Variants in NEGR1 observed in about 807,000 individuals in gnomAD.
NEGR1 encodes the protein IgLON family member 4.
NEGR1 carries 10 observed loss-of-function variants against 40.9 expected under a neutral mutation model. That is an observed-to-expected ratio of 0.24 (90% CI 0.15 to 0.42). The LOEUF (loss-of-function observed/expected upper bound fraction) is 0.42. Among genes scored for constraint, NEGR1 ranks in the 10% least tolerant of loss-of-function variants. The pLI, the probability that NEGR1 is intolerant of heterozygous loss-of-function variation, is 1.00. For synonymous variants in NEGR1, 185 were observed against 166.8 expected (o/e 1.11, Z -0.84); for missense variants, 352 against 438.9 (o/e 0.80, Z 1.77).
intron 6 of NEGR1, among the ~76,000 whole-genome samples, chr1:71,456,498 A>G (rs1486018038): frequency 1.3e-5 from 2 of 152,212 alleles, no homozygotes; most frequent in Non-Finnish European, 2.9e-5. Context: ...CATTATCCAG[A>G]TAACAACGCA....
rs1646281165 is a variant in NEGR1 at position 71,406,892 on chromosome 1, AAGG to A, written c.*551_*553del. 6.6e-6 allele frequency: 1 copy of A among 152,514 alleles called. No individual in the cohort carries two copies. Among genetic ancestry groups the A allele is most frequent in the African/African-American group, 2.4e-5 (1 of 41,434 alleles). The allele number at this position is 152,514 out of a possible 1,614,324, so 9.4% of individuals were successfully genotyped here. A position where few individuals can be genotyped will look rare whatever the true frequency, so the allele number is the denominator to read the frequency against. On this transcript the variant is annotated 3_prime_UTR_variant, in exon 7 of 7. Transcript: ENST00000357731. ...AGAGCTGCACAGCCAGTTATATTACAAGGCTCATTCCTGAAACCTGAATATCAT... is the reference window on the plus strand; with the variant it reads ...AGAGCTGCACAGCCAGTTATATTACACTCATTCCTGAAACCTGAATATCAT...
intron 1 of NEGR1, among the ~76,000 whole-genome samples, chr1:72,057,528 CCCA>C (rs1293429912): frequency 6.6e-6 from 1 of 151,362 alleles, no homozygotes; most frequent in African/African-American, 2.4e-5. Context: ...CAACTTCCTA[CCCA>C]CCAGGTATGG....
intron 4 of NEGR1, among the ~76,000 whole-genome samples, chr1:71,639,086 C>T (rs932193767): frequency 1.3e-5 from 2 of 151,750 alleles, no homozygotes; most frequent in Middle Eastern, 3.4e-3. Flanking sequence ...GTCAAAGGAG[C>T]ACACATTGAT....
intron 6 of NEGR1, among the ~76,000 whole-genome samples, chr1:71,434,075 G>A (rs1646488414): frequency 1.3e-5 from 2 of 151,944 alleles, no homozygotes; most frequent in South Asian, 4.2e-4. Flanking sequence ...AATTATGTGG[G>A]TCCACTTATA....
chr1:71,844,246 A>G (rs1659330883), intron 2 of NEGR1, among the ~76,000 whole-genome samples: 1 of 152,184 alleles, frequency 6.6e-6, no homozygotes, highest in South Asian at 2.1e-4. Context: ...TAATGCCTCA[A>G]TGGGGAAAAG....
At chr1:71,751,527 TTTTA>T (rs1570296994) in intron 3 of NEGR1, among the ~76,000 whole-genome samples, 1 of 152,322 alleles carries the variant, frequency 6.6e-6, no homozygotes, top group East Asian at 1.9e-4. Context: ...ACCTTACTGA[TTTTA>T]TTTGACAACT....
At chr1:72,005,587 A>T (rs182978185) in intron 1 of NEGR1, among the ~76,000 whole-genome samples, 5 of 152,298 alleles carry the variant, frequency 3.3e-5, no homozygotes, top group Non-Finnish European at 4.4e-5. Flanking sequence ...GTATTTCTAA[A>T]ATTTTGGTCC....
chr1:72,130,456 T>C (rs1431578122), intron 1 of NEGR1, among the ~76,000 whole-genome samples: 2 of 152,190 alleles, frequency 1.3e-5, no homozygotes, highest in Non-Finnish European at 2.9e-5. Flanking sequence ...CTTACGTCTG[T>C]CATGAGGAAG....
intron 6 of NEGR1, among the ~76,000 whole-genome samples, chr1:71,455,751 G>A (rs1646668296): frequency 6.6e-6 from 1 of 152,094 alleles, no homozygotes; most frequent in Admixed American, 6.6e-5. Context: ...GTATCAGGCT[G>A]TTACTTTTAT....
In NEGR1 at chr1:71,399,647, G is replaced by A. The variant is rs1404487738; in HGVS notation, c.*7799C>T. On this transcript the variant is annotated 3_prime_UTR_variant, in exon 7 of 7. Transcript: ENST00000357731. ...AATGCGATTTTGTATTTGTGTGTGA[G>A]TATGTGTTTTGTTTTGAAAAAGACA... 6.6e-6 allele frequency: 1 copy of A among 152,206 alleles called. No individual in the cohort carries two copies. The highest frequency in any genetic ancestry group is 1.9e-4 in the East Asian group (1 of 5,204). 9.4% of individuals were successfully genotyped at this position (152,206 alleles called of 1,614,324 possible).
chr1:71,501,387 C>A (rs1646998518), intron 6 of NEGR1, among the ~76,000 whole-genome samples: 1 of 152,030 alleles, frequency 6.6e-6, no homozygotes, highest in African/African-American at 2.4e-5. Flanking sequence ...TTTCTAAATA[C>A]AATTTGGGGT....
intron 1 of NEGR1, among the ~76,000 whole-genome samples, chr1:71,975,707 C>A (rs1186160939): frequency 6.6e-6 from 1 of 152,174 alleles, no homozygotes; most frequent in Non-Finnish European, 1.5e-5. Flanking sequence ...GAGCTGAGTC[C>A]TAGCTGCAGA....
intron 3 of NEGR1, among the ~76,000 whole-genome samples, chr1:71,744,175 A>G (rs367982009): frequency 5.9e-5 from 9 of 151,828 alleles, no homozygotes; most frequent in Admixed American, 5.3e-4. Context: ...AGTTTAGGAG[A>G]ATGAACTTGA....
At chr1:71,553,054 T>TAA (rs141654679) in intron 6 of NEGR1, among the ~76,000 whole-genome samples, 1 of 151,314 alleles carries the variant, frequency 6.6e-6, no homozygotes, top group African/African-American at 2.4e-5. Context: ...GTAAAAATGT[T>TAA]AAAAAAAACC....
chr1:72,272,716 C>T lies in NEGR1; in HGVS notation c.176+9603G>A, dbSNP rs78034180. ...GGCAGTAGCCACAGCTTTAAACATA[C>T]GCTAATACACACACAAACTCTATCA... On this transcript the variant is annotated intron_variant, in intron 1 of 6. Coordinates refer to ENST00000357731, the MANE Select transcript of NEGR1 (RefSeq NM_173808.3). 6.4e-3 allele frequency among the ~76,000 whole-genome samples: 975 copies of T among 151,996 alleles called. 13 individuals carry two copies. Among genetic ancestry groups the T allele is most frequent in the African/African-American group, 0.021 (891 of 41,506 alleles).
At chr1:71,512,053 G>A (rs1453989533) in intron 6 of NEGR1, among the ~76,000 whole-genome samples, 1 of 152,124 alleles carries the variant, frequency 6.6e-6, no homozygotes, top group African/African-American at 2.4e-5. Context: ...CGATGCATGA[G>A]AAACTCCAGA....
chr1:71,834,220 T>C (rs1658936174), intron 2 of NEGR1, among the ~76,000 whole-genome samples: 1 of 152,120 alleles, frequency 6.6e-6, no homozygotes, highest in African/African-American at 2.4e-5. Flanking sequence ...ATCTAGCTAT[T>C]CACTTACTGG....
chr1:71,712,894 A>C (rs1654151094), intron 3 of NEGR1, among the ~76,000 whole-genome samples: 1 of 152,106 alleles, frequency 6.6e-6, no homozygotes, highest in Non-Finnish European at 1.5e-5. Context: ...CCATGTGAAG[A>C]TGTGCTGCTT....
At chr1:71,847,419 C>T (rs1659456335) in intron 2 of NEGR1, among the ~76,000 whole-genome samples, 1 of 152,098 alleles carries the variant, frequency 6.6e-6, no homozygotes, top group Non-Finnish European at 1.5e-5. Flanking sequence ...ATTTTTTCAA[C>T]AGCATGAGCT....
Sources: gnomAD v4.1 joint callset for allele counts (sites outside exome capture counted in the v4.1 genomes callset) on GRCh38, gnomAD v4.1.1 for gene constraint, MANE v1.5 for transcripts, NCBI Gene and HGNC (gene_info 2026-07-23, HGNC 2026-07-21) for gene names.